NLGN1: variants seen among roughly 807,000 people sequenced by gnomAD.
NLGN1 encodes the protein neuroligin 1, also known as neuroligin-1.
A neutral mutation model predicts 65.5 loss-of-function variants in NLGN1; 12 were observed. The ratio of observed to expected loss-of-function variants is 0.18; its 90% CI spans 0.12 to 0.30. The LOEUF is 0.30. Ranked by LOEUF, NLGN1 falls within the 10% of genes least tolerant of loss-of-function variation. The pLI is 1.00. For synonymous variants in NLGN1, 350 were observed against 359.5 expected, an observed-to-expected ratio of 0.97 and a Z score of 0.30; for missense variants, 750 against 1,007.1, an observed-to-expected ratio of 0.74 and a Z score of 3.46.
chr3:174,200,556 A>G (rs990905651), intron 4 of NLGN1, among the ~76,000 whole-genome samples: 33 of 152,224 alleles, frequency 2.2e-4, no homozygotes, highest in African/African-American at 6.0e-4. Context: ...GACGAGGTGA[A>G]GCATGGCCAT....
At chr3:173,655,771 C>T (rs1327720913) in intron 3 of NLGN1, among the ~76,000 whole-genome samples, 8 of 150,336 alleles carry the variant, frequency 5.3e-5, no homozygotes, top group Non-Finnish European at 1.2e-4. Context: ...AAAAAAAAAT[C>T]TGACACTACA....
At chr3:173,770,707 C>T (rs1001311213) in intron 3 of NLGN1, among the ~76,000 whole-genome samples, 4 of 152,064 alleles carry the variant, frequency 2.6e-5, no homozygotes, top group African/African-American at 9.7e-5. Context: ...ATCAATGTAT[C>T]GACCTTTCAA....
intron 3 of NLGN1, among the ~76,000 whole-genome samples, chr3:173,710,433 C>T (rs2149939645): frequency 6.6e-6 from 1 of 152,184 alleles, no homozygotes; most frequent in Admixed American, 6.5e-5. Context: ...TCTAATTTTT[C>T]AGCATTTAAA....
intron 2 of NLGN1, among the ~76,000 whole-genome samples, chr3:173,501,914 A>G (rs1173797059): frequency 2.6e-5 from 4 of 152,108 alleles, no homozygotes; most frequent in African/African-American, 9.7e-5. Flanking sequence ...GGGCACCCAC[A>G]TACCTTGGTA....
chr3:173,431,194 A>G (rs762624473), intron 1 of NLGN1, among the ~76,000 whole-genome samples: 4 of 152,166 alleles, frequency 2.6e-5, no homozygotes, highest in Non-Finnish European at 5.9e-5. Context: ...TATCATACTG[A>G]AAGCACTTTC....
chr3:174,229,466 T>C (rs1192898770), intron 4 of NLGN1, among the ~76,000 whole-genome samples: 2 of 152,204 alleles, frequency 1.3e-5, no homozygotes, highest in African/African-American at 4.8e-5. Context: ...CATCAAATTA[T>C]GCCCTCCCCA....
At chr3:173,498,519 T>TGCATGTGGCTTTATAGTA (rs1253652006) in intron 2 of NLGN1, among the ~76,000 whole-genome samples, 3 of 151,872 alleles carry the variant, frequency 2.0e-5, no homozygotes, top group African/African-American at 7.3e-5. Context: ...AACATACGTG[T>TGCATGTGGCTTTATAGTA]GCATGTGGCT....
intron 3 of NLGN1, among the ~76,000 whole-genome samples, chr3:173,741,060 T>C (rs1351567177): frequency 1.3e-5 from 2 of 152,198 alleles, no homozygotes; most frequent in Non-Finnish European, 2.9e-5. Flanking sequence ...GTTATCAGAA[T>C]GCCTAAATAC....
At chr3:174,095,150 C>G (rs7644169) in intron 4 of NLGN1, among the ~76,000 whole-genome samples, 2,730 of 151,594 alleles carry the variant, frequency 0.018, 45 homozygotes, top group Non-Finnish European at 0.027. Context: ...GCAAAATAAT[C>G]TTTAAGGTTG....
At chr3:173,737,223 C>T (rs185113886) in intron 3 of NLGN1, among the ~76,000 whole-genome samples, 11 of 98,788 alleles carry the variant, frequency 1.1e-4, no homozygotes, top group African/African-American at 4.1e-4. Flanking sequence ...AATATAAAGC[C>T]TCCTCACTAA....
intron 4 of NLGN1, among the ~76,000 whole-genome samples, chr3:174,165,114 G>T (rs1196960982): frequency 6.6e-6 from 1 of 151,776 alleles, no homozygotes; most frequent in African/African-American, 2.4e-5. Flanking sequence ...TCTTGATTTG[G>T]CTCATAGCTT....
chr3:173,524,088 T>A (rs1735229970), intron 2 of NLGN1, among the ~76,000 whole-genome samples: 1 of 130,404 alleles, frequency 7.7e-6, no homozygotes, highest in South Asian at 3.1e-4. Flanking sequence ...GCTCAGCTAA[T>A]TTTTTTTTTT....
At chr3:174,050,001 G>C (rs759893724) in intron 4 of NLGN1, among the ~76,000 whole-genome samples, 22 of 151,912 alleles carry the variant, frequency 1.4e-4, no homozygotes, top group Non-Finnish European at 2.9e-4. Context: ...GAATATTTTA[G>C]GTTCAGTGTT....
At position 173,686,225 on chromosome 3, in the gene NLGN1, C is replaced by T. The variant is rs376242990; in HGVS notation, c.493+81134C>T. Among the ~76,000 whole-genome samples the T allele has an allele frequency of 1.7e-4, 25 of 150,826 alleles. 1 individual carries two copies. Among genetic ancestry groups the T allele is most frequent in the East Asian group, 1.4e-3 (7 of 5,118 alleles). On this transcript the variant is annotated intron_variant, in intron 3 of 6. Transcript: ENST00000457714. ...CTTCAGTTGTTGAATTCAGAGTTCT[C>T]TTAATATTGTACTAAGATGAGAAAG... is the stretch of plus-strand genomic sequence containing the variant.
intron 3 of NLGN1, among the ~76,000 whole-genome samples, chr3:173,719,727 A>C (rs1224469007): frequency 6.6e-6 from 1 of 152,186 alleles, no homozygotes; most frequent in African/African-American, 2.4e-5. Flanking sequence ...GAAAATGTCA[A>C]AGTGTTTATG....
At chr3:174,161,408 T>G (rs1365282949) in intron 4 of NLGN1, among the ~76,000 whole-genome samples, 1 of 151,884 alleles carries the variant, frequency 6.6e-6, no homozygotes, top group African/African-American at 2.4e-5. Flanking sequence ...TTTATTGTGA[T>G]TCAATATTTT....
chr3:173,755,659 G>A (rs80182675), intron 3 of NLGN1, among the ~76,000 whole-genome samples: 2,135 of 152,106 alleles, frequency 0.014, 44 homozygotes, highest in African/African-American at 0.048. Context: ...CCCAGTCTGA[G>A]TAGGTAAATG....
intron 4 of NLGN1, among the ~76,000 whole-genome samples, chr3:174,199,526 C>T (rs2152772657): frequency 6.6e-6 from 1 of 151,894 alleles, no homozygotes; most frequent in East Asian, 1.9e-4. Flanking sequence ...TCACCTAGAG[C>T]TCACAATCTA....
intron 4 of NLGN1, among the ~76,000 whole-genome samples, chr3:173,969,595 C>T (rs1170324736): frequency 1.3e-5 from 2 of 151,982 alleles, no homozygotes; most frequent in Non-Finnish European, 2.9e-5. Flanking sequence ...CTCAAATATC[C>T]TTGACTTACG....
Sources: gnomAD v4.1 joint callset for allele counts (sites outside exome capture counted in the v4.1 genomes callset) on GRCh38, gnomAD v4.1.1 for gene constraint, MANE v1.5 for transcripts, NCBI Gene and HGNC (gene_info 2026-07-23, HGNC 2026-07-21) for gene names.